Variants in SHROOM4 observed in about 807,000 individuals in gnomAD.
SHROOM4 encodes shroom family member 4.
SHROOM4 carries 17 observed loss-of-function variants against 80.3 expected under a neutral mutation model. The observed-to-expected ratio is 0.21, with a 90% CI of 0.14 to 0.32. SHROOM4 has a LOEUF of 0.32. SHROOM4 is among the 10% of genes least tolerant of loss of function. The pLI, the probability that SHROOM4 is intolerant of heterozygous loss-of-function variation, is 1.00. For synonymous variants in SHROOM4, 400 were observed against 437.5 expected, an observed-to-expected ratio of 0.91 and a Z score of 1.07; for missense variants, 993 against 1,140.3, an observed-to-expected ratio of 0.87 and a Z score of 1.86.
In SHROOM4 at chrX:50,646,932, T is replaced by C. The variant is rs191667551; in HGVS notation, c.270-8624A>G. 2.2e-3 allele frequency among the ~76,000 whole-genome samples: 242 copies of C among 111,332 alleles called. 1 individual carries two copies. The highest frequency in any genetic ancestry group is 7.5e-3 in the African/African-American group (229 of 30,628). ...TCTTTCTGCATAGGGAGTGATAACT[T>C]CATCTGGCTAGGGCATTACATTTGA... On this transcript the variant is annotated intron_variant, in intron 2 of 8. Transcript: ENST00000376020.
chrX:50,795,610 G>T, intron 1 of SHROOM4, among the ~76,000 whole-genome samples: 1 of 111,704 alleles, frequency 9.0e-6, no homozygotes, highest in Non-Finnish European at 1.9e-5. Flanking sequence ...TAGTCAGGTA[G>T]CTGGGACTAG....
At chrX:50,750,508 C>A (rs782286085) in intron 1 of SHROOM4, among the ~76,000 whole-genome samples, 96 of 112,090 alleles carry the variant, frequency 8.6e-4, no homozygotes, top group Non-Finnish European at 1.6e-3. Flanking sequence ...GTGATCCACT[C>A]GCCTCGGCCT....
At chrX:50,805,753 G>C (rs1477758778) in intron 1 of SHROOM4, among the ~76,000 whole-genome samples, 1 of 111,801 alleles carries the variant, frequency 8.9e-6, no homozygotes, top group Non-Finnish European at 1.9e-5. Context: ...GAGAGCCAAA[G>C]TAGCATGCCA....
chrX:50,653,542 T>C (rs1557259186), intron 2 of SHROOM4, among the ~76,000 whole-genome samples: 1 of 111,721 alleles, frequency 9.0e-6, no homozygotes, highest in African/African-American at 3.3e-5. Context: ...CTCTTTCTAT[T>C]TGAATACCCT....
intron 2 of SHROOM4, among the ~76,000 whole-genome samples, chrX:50,687,930 C>A (rs1489016887): frequency 9.1e-6 from 1 of 109,705 alleles, no homozygotes; most frequent in Non-Finnish European, 1.9e-5. Flanking sequence ...ACTCCTGAGT[C>A]CTTCCTATGT....
intron 2 of SHROOM4, among the ~76,000 whole-genome samples, chrX:50,683,800 G>A (rs782476824): frequency 1.8e-5 from 2 of 111,289 alleles, no homozygotes; most frequent in East Asian, 5.7e-4. Flanking sequence ...ATGGGATGGA[G>A]TGAGAGATTT....
chrX:50,696,860 G>A (rs1166262467), intron 1 of SHROOM4, among the ~76,000 whole-genome samples: 4 of 111,990 alleles, frequency 3.6e-5, no homozygotes, highest in African/African-American at 1.3e-4. Context: ...CACTGGGGCA[G>A]GCAAAAGCAA....
chrX:50,608,865 C>T (rs1455100963), intron 5 of SHROOM4, among the ~76,000 whole-genome samples: 1 of 111,991 alleles, frequency 8.9e-6, no homozygotes, highest in Admixed American at 9.5e-5. Flanking sequence ...TCTCTAGATG[C>T]AACCTGTATT....
At chrX:50,794,366 A>G (rs900935682) in intron 1 of SHROOM4, among the ~76,000 whole-genome samples, 1 of 111,177 alleles carries the variant, frequency 9.0e-6, no homozygotes, top group Non-Finnish European at 1.9e-5. Context: ...GTTGTTGTCT[A>G]ACATGCTAGA....
intron 2 of SHROOM4, among the ~76,000 whole-genome samples, chrX:50,664,825 G>A (rs1932636776): frequency 9.1e-6 from 1 of 109,865 alleles, no homozygotes; most frequent in Non-Finnish European, 1.9e-5. Flanking sequence ...TATTACTTAA[G>A]GGAGATTTTG....
chrX:50,648,210 A>G (rs1373409208), intron 2 of SHROOM4, among the ~76,000 whole-genome samples: 4 of 111,664 alleles, frequency 3.6e-5, no homozygotes, highest in Non-Finnish European at 7.5e-5. Context: ...AGATTTGATT[A>G]GAGGTATTTT....
chrX:50,798,248 C>T (rs1249852345), intron 1 of SHROOM4, among the ~76,000 whole-genome samples: 1 of 111,363 alleles, frequency 9.0e-6, no homozygotes, highest in African/African-American at 3.3e-5. Flanking sequence ...GAATACCAGC[C>T]CTGCCAGTTA....
chrX:50,626,498 A>C (rs1489451502), intron 5 of SHROOM4, among the ~76,000 whole-genome samples: 1 of 111,523 alleles, frequency 9.0e-6, no homozygotes, highest in Non-Finnish European at 1.9e-5. Context: ...TATGTGAGTT[A>C]GCAATTCTCA....
intron 1 of SHROOM4, among the ~76,000 whole-genome samples, chrX:50,719,884 G>C (rs1934063547): frequency 8.9e-6 from 1 of 112,160 alleles, no homozygotes; most frequent in Non-Finnish European, 1.9e-5. Context: ...CATTCCAGTA[G>C]GAATTGAAGC....
chrX:50,620,675 T>C (rs908302459), intron 5 of SHROOM4, among the ~76,000 whole-genome samples: 2 of 111,753 alleles, frequency 1.8e-5, no homozygotes, highest in Non-Finnish European at 3.8e-5. Flanking sequence ...ACAATTTCTA[T>C]TTATTGATTT....
chrX:50,688,684 A>G (rs1933142795), intron 2 of SHROOM4, among the ~76,000 whole-genome samples: 1 of 111,404 alleles, frequency 9.0e-6, no homozygotes, highest in African/African-American at 3.3e-5. Context: ...ATTTGGCTCT[A>G]TAGAGGAAAA....
At chrX:50,804,978 C>A (rs1425019735) in intron 1 of SHROOM4, among the ~76,000 whole-genome samples, 1 of 111,330 alleles carries the variant, frequency 9.0e-6, no homozygotes, top group Non-Finnish European at 1.9e-5. Flanking sequence ...AGAGTCAAGC[C>A]TGATACTTAC....
At chrX:50,619,629 A>C (rs782581401) in intron 5 of SHROOM4, among the ~76,000 whole-genome samples, 1 of 112,049 alleles carries the variant, frequency 8.9e-6, no homozygotes, top group East Asian at 2.8e-4. Flanking sequence ...AAATCAGAGA[A>C]GTCCTTGCTT....
rs1434948075 is a variant in SHROOM4 at position 50,618,419 on chromosome X, C to CCTTTCTTT, written c.2957+9194_2957+9195insAAAGAAAG. On this transcript the variant is annotated intron_variant, in intron 5 of 8. Transcript: ENST00000376020. ...TCCTTCCTTCCTTCCTTCCTTCCTT[C>CCTTTCTTT]CTTTCTTATTTTTGAGACAGTGTCT... Among the ~76,000 whole-genome samples, 54 of 72,596 alleles carry CCTTTCTTT rather than the reference C, an allele frequency of 7.4e-4. 3 individuals carry two copies. The highest frequency in any genetic ancestry group is 2.4e-3 in the African/African-American group (47 of 19,409). The allele number at this position is 72,596 out of a possible 115,157, so 63.0% of individuals were successfully genotyped here.
Sources: gnomAD v4.1 joint callset for allele counts (sites outside exome capture counted in the v4.1 genomes callset) on GRCh38, gnomAD v4.1.1 for gene constraint, MANE v1.5 for transcripts, NCBI Gene and HGNC (gene_info 2026-07-23, HGNC 2026-07-21) for gene names.